LARP7: variants seen among roughly 807,000 people sequenced by gnomAD.
LARP7 encodes la-related protein 7.
A neutral mutation model predicts 69.3 loss-of-function variants in LARP7; 52 were observed. That is an observed-to-expected ratio of 0.75 (90% CI 0.60 to 0.95). The LOEUF (loss-of-function observed/expected upper bound fraction) is 0.95, where lower values mean the gene tolerates loss of function less well. Among genes scored for constraint, LARP7 ranks in the 40% least tolerant of loss-of-function variants. The pLI is 0.00. For missense variants in LARP7, 733 were observed against 673.0 expected (o/e 1.09, Z -0.99); for synonymous variants, 254 against 215.9 (o/e 1.18, Z -1.55).
intron 10 of LARP7, among the ~76,000 whole-genome samples, chr4:112,651,624 A>G (rs1323812772): frequency 6.6e-6 from 1 of 152,140 alleles, no homozygotes; most frequent in East Asian, 1.9e-4. Flanking sequence ...GATCATCAAA[A>G]TCATAAAATC....
At chr4:112,651,066 G>T (rs2048709530) in intron 10 of LARP7, among the ~76,000 whole-genome samples, 1 of 152,038 alleles carries the variant, frequency 6.6e-6, no homozygotes. Context: ...TACCACATTG[G>T]TAGCAATACT....
rs377427380 is a variant in LARP7, at chr4:112,648,053, C to G, written c.1142+219C>G. 1.4e-5 allele frequency: 9 copies of G among 644,544 alleles called. No individual in the cohort carries two copies. The African/African-American group carries it at 1.6e-4, about 11-fold the overall frequency. The allele number at this position is 644,544 out of a possible 1,614,324, so 39.9% of individuals were successfully genotyped here. ...ATTTTTGTCATGTCACAGCAAGTGC[C>G]TCCATGTTAAAGTAGAGGGGGCCCC... On this transcript the variant is annotated intron_variant, in intron 8 of 12. Transcript: ENST00000344442.
At chr4:112,640,041 C>A (rs1349434268) in intron 1 of LARP7, among the ~76,000 whole-genome samples, 1 of 152,046 alleles carries the variant, frequency 6.6e-6, no homozygotes, top group African/African-American at 2.4e-5. Flanking sequence ...TGGGTTCAAG[C>A]GATTCTCCTG....
At chr4:112,647,614 T>TA in intron 7 of LARP7, 65 bp downstream of exon 7, 1 of 1,469,832 alleles carries the variant, frequency 6.8e-7, no homozygotes, top group Non-Finnish European at 9.0e-7. Flanking sequence ...TTTAATTAAT[T>TA]AGGTTTTAAT....
chr4:112,639,473 G>A (rs952849623), intron 1 of LARP7, among the ~76,000 whole-genome samples: 4 of 151,488 alleles, frequency 2.6e-5, no homozygotes, highest in Non-Finnish European at 5.9e-5. Flanking sequence ...CTCGTGATCC[G>A]CCCGCCTTGG....
At chr4:112,643,910 A>G (rs772455192) in intron 1 of LARP7, among the ~76,000 whole-genome samples, 4 of 152,026 alleles carry the variant, frequency 2.6e-5, no homozygotes, top group Non-Finnish European at 5.9e-5. Context: ...ACAGCTTACC[A>G]GTTGAATTCT....
chr4:112,646,691 TCC>T lies in LARP7; in HGVS notation c.387+23_387+24del. The stretch of plus-strand genomic sequence containing the variant: ...TATGTGGTAAGCTTAAGAACCCGGG[TCC>T]CCAGTCAGAAACTGGCACAGAAACA... On this transcript the variant is annotated intron_variant, in intron 4 of 12. Coordinates refer to ENST00000344442, the MANE Select transcript of LARP7 (RefSeq NM_016648.4). 1 of 1,544,876 alleles carries T rather than the reference TCC, an allele frequency of 6.5e-7. No homozygotes were observed. Among genetic ancestry groups the T allele is most frequent in the Non-Finnish European group, 8.8e-7 (1 of 1,133,906 alleles).
chr4:112,646,245 C>T, intron 2 of LARP7, 106 bp from the exon 3 acceptor site: 1 of 566,014 alleles, frequency 1.8e-6, no homozygotes. Flanking sequence ...ACTAGGATTA[C>T]AGGCATGAGC....
chr4:112,651,816 G>C (rs1430140437), intron 10 of LARP7, among the ~76,000 whole-genome samples: 1 of 152,070 alleles, frequency 6.6e-6, no homozygotes, highest in Non-Finnish European at 1.5e-5. Context: ...TGGATATTTA[G>C]TATATATCTT....
chr4:112,652,725 C>G (rs1176679703), intron 10 of LARP7, among the ~76,000 whole-genome samples: 1 of 146,952 alleles, frequency 6.8e-6, no homozygotes, highest in Non-Finnish European at 1.5e-5. Flanking sequence ...TAATTTTATT[C>G]CTTATACTAC....
chr4:112,641,016 G>T lies in LARP7; in HGVS notation c.-2-3652G>T, dbSNP rs140560692. The stretch of plus-strand genomic sequence containing the variant: ...TGGACTGAGCCTGTTGGCAAGAATT[G>T]TGATAGATGAAATTAGAGAGATCCC... On this transcript the variant is annotated intron_variant, in intron 1 of 12. Coordinates refer to ENST00000344442, the MANE Select transcript of LARP7 (RefSeq NM_016648.4). 2.0e-5 allele frequency among the ~76,000 whole-genome samples: 3 copies of T among 152,348 alleles called. No individual in the cohort carries two copies. The East Asian group carries it at 5.8e-4, about 29-fold the overall frequency.
intron 1 of LARP7, among the ~76,000 whole-genome samples, chr4:112,641,109 G>T (rs576931387): frequency 3.2e-4 from 49 of 152,244 alleles, no homozygotes; most frequent in African/African-American, 1.2e-3. Flanking sequence ...AGTGTGATAA[G>T]AAACCTCTGA....
At chr4:112,646,997 A>C in intron 5 of LARP7, 37 bp from the exon 6 acceptor site, 1 of 1,581,708 alleles carries the variant, frequency 6.3e-7, no homozygotes, top group Non-Finnish European at 8.5e-7. Flanking sequence ...AGAAAAGAAA[A>C]CAAGTATTAA....
At position 112,653,973 on chromosome 4, in the gene LARP7, G is replaced by A. The variant is rs2149286299; in HGVS notation, c.1577-95G>A. 10 of 845,868 alleles carry A rather than the reference G, an allele frequency of 1.2e-5. No homozygotes were observed. The South Asian group carries it at 1.3e-4, about 11-fold the overall frequency. The allele number at this position is 845,868 out of a possible 1,614,324, so 52.4% of individuals were successfully genotyped here. ...GTAGCATTAAATATAATCAAAAACT[G>A]TCCTAGTTACTATTATTGAGAATGT... On this transcript the variant is annotated intron_variant, in intron 11 of 12. Transcript: ENST00000344442.
chr4:112,657,510 T>G lies in LARP7; in HGVS notation c.*183T>G, dbSNP rs2049001874. 1 of 359,826 alleles carries G rather than the reference T, an allele frequency of 2.8e-6. No individual in the cohort carries two copies. Among genetic ancestry groups the G allele is most frequent in the Admixed American group, 4.7e-5 (1 of 21,274 alleles). 22.3% of individuals were successfully genotyped at this position (359,826 alleles called of 1,614,324 possible). A position where few individuals can be genotyped will look rare whatever the true frequency, so the allele number is the denominator to read the frequency against. Reference sequence around the variant, plus strand: ...AATATGATGTATACCACAATTTTTCTTAAACATTTTATTTGTTGAAATTAT... The same window carrying G: ...AATATGATGTATACCACAATTTTTCGTAAACATTTTATTTGTTGAAATTAT... On this transcript the variant is annotated 3_prime_UTR_variant, in exon 13 of 13. Coordinates refer to ENST00000344442, the MANE Select transcript of LARP7 (RefSeq NM_016648.4).
Position 112,638,262 on chromosome 4 carries a change from C to G in LARP7, c.-3+1023C>G, listed in dbSNP as rs181756815. ...AGTGAGCCGGGATCGCGCCACTGCA[C>G]TGCAGCCTGGGCCACTGAGAGAGGC... is the stretch of plus-strand genomic sequence containing the variant. On this transcript the variant is annotated intron_variant, in intron 1 of 12. Transcript: ENST00000344442. Among the ~76,000 whole-genome samples the G allele has an allele frequency of 3.3e-3, 499 of 152,346 alleles. 2 individuals carry two copies. The Middle Eastern group carries it at 0.034, about 10-fold the overall frequency.
At chr4:112,642,093 A>T (rs568233077) in intron 1 of LARP7, among the ~76,000 whole-genome samples, 8 of 152,340 alleles carry the variant, frequency 5.3e-5, no homozygotes, top group Admixed American at 4.6e-4. Flanking sequence ...TGGAAGCTAT[A>T]TGAAGAAAAT....
rs144235444 is a variant in LARP7, at chr4:112,638,795, C to G, written c.-3+1556C>G. ...AGAATGTGTCCTTGTCGTTAAGCAA[C>G]CCATGACTGTGCTTAAATCTTTACC... is the stretch of plus-strand genomic sequence containing the variant. On this transcript the variant is annotated intron_variant, in intron 1 of 12. Coordinates refer to ENST00000344442, the MANE Select transcript of LARP7 (RefSeq NM_016648.4). 2.9e-3 allele frequency among the ~76,000 whole-genome samples: 443 copies of G among 152,306 alleles called. 9 individuals are homozygous for G. Among genetic ancestry groups the G allele is most frequent in the Non-Finnish European group, 5.1e-4 (35 of 68,030 alleles).
intron 12 of LARP7, 77 bp from the exon 13 acceptor site, chr4:112,657,170 T>TG (rs2048987463): frequency 6.6e-5 from 34 of 516,940 alleles, no homozygotes; most frequent in Admixed American, 8.8e-5. Context: ...AGTCATAGTT[T>TG]TGTGTGTGTG....
Sources: gnomAD v4.1 joint callset for allele counts (sites outside exome capture counted in the v4.1 genomes callset) on GRCh38, gnomAD v4.1.1 for gene constraint, MANE v1.5 for transcripts, NCBI Gene and HGNC (gene_info 2026-07-23, HGNC 2026-07-21) for gene names.